PHF24: variants seen among roughly 807,000 people sequenced by gnomAD.
PHF24 encodes Galpha inhibitory interacting protein.
Under a neutral mutation model 42.6 loss-of-function variants are expected in PHF24, and 25 were observed. The ratio of observed to expected loss-of-function variants is 0.59; its 90% CI spans 0.43 to 0.82. The LOEUF is 0.82. Ranked by LOEUF, PHF24 falls within the 40% of genes least tolerant of loss-of-function variation. The pLI is 0.00. For missense variants in PHF24, 470 were observed against 538.1 expected (o/e 0.87, Z 1.25); for synonymous variants, 185 against 204.8 (o/e 0.90, Z 0.83).
the PHF24 span, among the ~76,000 whole-genome samples, chr9:34,742,374 C>G: frequency 1.3e-5 from 2 of 152,248 alleles, no homozygotes; most frequent in East Asian, 1.9e-4. Context: ...ACCTTGGACT[C>G]TGACCGTGGC....
At chr9:34,809,038 A>G in the PHF24 span, among the ~76,000 whole-genome samples, 1 of 98,866 alleles carries the variant, frequency 1.0e-5, no homozygotes, top group Non-Finnish European at 2.0e-5. This position sits in a 1 kb window ranked among gnomAD's most constrained non-coding sequence, Gnocchi z 4.1. Context: ...AAAGTATAAT[A>G]AAAAAAAAAA....
At chr9:34,810,115 G>C in the PHF24 span, among the ~76,000 whole-genome samples, 1 of 152,030 alleles carries the variant, frequency 6.6e-6, no homozygotes, top group Non-Finnish European at 1.5e-5. Flanking sequence ...CCGCTGGGCA[G>C]CGCAGGGCCG....
the PHF24 span, among the ~76,000 whole-genome samples, chr9:34,884,261 T>C: frequency 1.1e-4 from 17 of 152,268 alleles, no homozygotes; most frequent in East Asian, 2.5e-3. Context: ...ATATACCTAA[T>C]ATACCTAATG....
the PHF24 span, among the ~76,000 whole-genome samples, chr9:34,732,690 T>A: frequency 6.6e-6 from 1 of 152,196 alleles, no homozygotes; most frequent in Non-Finnish European, 1.5e-5. Flanking sequence ...CACAAAGAAA[T>A]CTTTGCCCCT....
chr9:34,708,322 A>AG, the PHF24 span, among the ~76,000 whole-genome samples: 6 of 152,214 alleles, frequency 3.9e-5, no homozygotes, highest in Admixed American at 3.9e-4. Context: ...GAAAGAAAGG[A>AG]GGAAAAAAAA....
chr9:34,899,875 T>TA, the PHF24 span, among the ~76,000 whole-genome samples: 787 of 152,278 alleles, frequency 5.2e-3, 6 homozygotes, highest in African/African-American at 0.017. Context: ...GGGAGCTTGT[T>TA]AAAAATATAG....
At chr9:34,698,031 G>A in the PHF24 span, among the ~76,000 whole-genome samples, 1 of 152,170 alleles carries the variant, frequency 6.6e-6, no homozygotes, top group Non-Finnish European at 1.5e-5. Flanking sequence ...ATATGTGGTG[G>A]TAGCTAATTA....
the PHF24 span, among the ~76,000 whole-genome samples, chr9:34,827,235 T>C: frequency 2.0e-5 from 3 of 152,146 alleles, no homozygotes; most frequent in African/African-American, 7.2e-5. Context: ...ATTCTGGGCT[T>C]CCCTCTATTC....
chr9:34,855,237 T>G, the PHF24 span, among the ~76,000 whole-genome samples: 1 of 152,242 alleles, frequency 6.6e-6, no homozygotes, highest in African/African-American at 2.4e-5. Flanking sequence ...AGCTTGCCAT[T>G]CTGTATCTTT....
chr9:34,905,624 A>G, the PHF24 span, among the ~76,000 whole-genome samples: 1 of 152,188 alleles, frequency 6.6e-6, no homozygotes, highest in African/African-American at 2.4e-5. Flanking sequence ...AGCTTCATGT[A>G]GAAGATGGCA....
the PHF24 span, among the ~76,000 whole-genome samples, chr9:34,935,740 G>GT: frequency 6.7e-6 from 1 of 149,104 alleles, no homozygotes; most frequent in African/African-American, 2.4e-5. Flanking sequence ...GTGTGTGGGG[G>GT]GGGGGTGTGT....
chr9:34,723,808 C>A, the PHF24 span: 3 of 1,551,730 alleles, frequency 1.9e-6, no homozygotes, highest in African/African-American at 4.1e-5. Flanking sequence ...TGACAGTTAG[C>A]TTGGTTTGAC....
At chr9:34,725,581 A>G in the PHF24 span, 4 of 1,464,498 alleles carry the variant, frequency 2.7e-6, no homozygotes, top group Non-Finnish European at 3.7e-6. Context: ...CACAGGGCTC[A>G]TGCTGCATGA....
chr9:34,716,688 C>G, the PHF24 span, among the ~76,000 whole-genome samples: 12 of 152,160 alleles, frequency 7.9e-5, no homozygotes, highest in Admixed American at 1.3e-4. Flanking sequence ...TTCCCAGACT[C>G]AAGCTATTCT....
rs2132903465 is a variant in PHF24 at position 34,971,690 on chromosome 9, T to G, written c.378+14T>G. ...CCCAGAGAGCCTGTGAGTATCCAGT[T>G]AGGACAGGATCCTCAAGTCTTAGTG... is the stretch of plus-strand genomic sequence containing the variant. On this transcript the variant is annotated intron_variant, in intron 2 of 7. Coordinates refer to ENST00000242315, the Ensembl canonical transcript of PHF24. The G allele has an allele frequency of 6.3e-7, 1 of 1,588,120 alleles. No homozygotes were observed. The highest frequency in any genetic ancestry group is 2.2e-5 in the East Asian group (1 of 44,560).
At chr9:34,753,241 T>C in the PHF24 span, among the ~76,000 whole-genome samples, 1 of 152,146 alleles carries the variant, frequency 6.6e-6, no homozygotes, top group Non-Finnish European at 1.5e-5. Flanking sequence ...TATGATTCTA[T>C]ATTTGGAAAA....
chr9:34,825,189 G>T, the PHF24 span, among the ~76,000 whole-genome samples: 3 of 151,968 alleles, frequency 2.0e-5, no homozygotes, highest in Non-Finnish European at 4.4e-5. Flanking sequence ...ATGTCAAAGA[G>T]TCTGAGAGTC....
the PHF24 span, among the ~76,000 whole-genome samples, chr9:34,736,045 T>A: frequency 6.6e-6 from 1 of 151,970 alleles, no homozygotes; most frequent in Non-Finnish European, 1.5e-5. Flanking sequence ...GTTGCTTTTG[T>A]CAGGCTCACC....
At chr9:34,765,007 G>A in the PHF24 span, among the ~76,000 whole-genome samples, 6 of 152,162 alleles carry the variant, frequency 3.9e-5, no homozygotes, top group African/African-American at 1.4e-4. Context: ...TAGTTGAGAG[G>A]TTTTAAGTGA....
Sources: gnomAD v4.1 joint callset for allele counts (sites outside exome capture counted in the v4.1 genomes callset) on GRCh38, gnomAD v4.1.1 for gene constraint, Gnocchi (gnomAD v3.1) non-coding constraint, MANE v1.5 for transcripts, NCBI Gene and HGNC (gene_info 2026-07-23, HGNC 2026-07-21) for gene names.